The following TMC2 variants were observed in gnomAD, a reference collection of about 807,000 sequenced individuals.
TMC2 encodes the protein transmembrane channel like 2.
TMC2 carries 102 observed loss-of-function variants against 105.9 expected under a neutral mutation model. The ratio of observed to expected loss-of-function variants is 0.96; its 90% CI spans 0.82 to 1.14. The LOEUF (loss-of-function observed/expected upper bound fraction) is 1.14, where lower values mean the gene tolerates loss of function less well. TMC2 is among the 50% of genes most tolerant of loss of function. The pLI is 0.00. For synonymous variants in TMC2, 402 were observed against 422.8 expected, an observed-to-expected ratio of 0.95 and a Z score of 0.60; for missense variants, 1,093 against 1,134.3, an observed-to-expected ratio of 0.96 and a Z score of 0.52.
chr20:2,538,827 C>T (rs540989697), intron 2 of TMC2, among the ~76,000 whole-genome samples: 1 of 152,274 alleles, frequency 6.6e-6, no homozygotes, highest in Non-Finnish European at 1.5e-5. Context: ...TTAACTGAAA[C>T]CCAGCCCCAT....
At chr20:2,607,445 G>A (rs1208244273) in intron 11 of TMC2, among the ~76,000 whole-genome samples, 2 of 152,148 alleles carry the variant, frequency 1.3e-5, no homozygotes, top group South Asian at 2.1e-4. Context: ...AATTTCAAAA[G>A]TTCAAGAGGC....
intron 18 of TMC2, among the ~76,000 whole-genome samples, chr20:2,636,308 C>T (rs1232277804): frequency 6.6e-6 from 1 of 152,184 alleles, no homozygotes; most frequent in African/African-American, 2.4e-5. Context: ...ATAACTCCTA[C>T]AGGTTAAAGT....
chr20:2,589,374 C>G (rs2086253705), intron 7 of TMC2, among the ~76,000 whole-genome samples: 1 of 149,988 alleles, frequency 6.7e-6, no homozygotes, highest in African/African-American at 2.5e-5. Context: ...CTCCTGAGCT[C>G]AAGCGATCCA....
At chr20:2,599,187 G>A (rs1310589816) in intron 10 of TMC2, among the ~76,000 whole-genome samples, 6 of 150,942 alleles carry the variant, frequency 4.0e-5, no homozygotes, top group Non-Finnish European at 8.8e-5. Flanking sequence ...AGAATCTCTT[G>A]AATCCAAAAG....
intron 6 of TMC2, 24 bp downstream of exon 6, chr20:2,579,251 T>A: frequency 1.4e-6 from 2 of 1,448,976 alleles, no homozygotes; most frequent in Non-Finnish European, 1.9e-6. Context: ...TGTCACTGTT[T>A]TTTTAATTGG....
At chr20:2,607,351 C>G (rs2086401613) in intron 11 of TMC2, among the ~76,000 whole-genome samples, 1 of 152,122 alleles carries the variant, frequency 6.6e-6, no homozygotes, top group African/African-American at 2.4e-5. Flanking sequence ...TATCTATATT[C>G]CCTCTCTCTG....
intron 4 of TMC2, among the ~76,000 whole-genome samples, chr20:2,565,037 G>C (rs2086054364): frequency 6.6e-6 from 1 of 152,194 alleles, no homozygotes; most frequent in Admixed American, 6.5e-5. Context: ...CTCCTCTGCA[G>C]GGAGGTCCCC....
intron 11 of TMC2, among the ~76,000 whole-genome samples, chr20:2,602,677 T>C (rs572208509): frequency 4.6e-5 from 7 of 152,216 alleles, no homozygotes; most frequent in Non-Finnish European, 7.3e-5. Context: ...CCTGCACAAA[T>C]AACAAACTGA....
intron 2 of TMC2, among the ~76,000 whole-genome samples, chr20:2,540,075 C>T (rs1230963772): frequency 6.7e-6 from 1 of 149,494 alleles, no homozygotes; most frequent in Admixed American, 6.7e-5. Context: ...ACTGCAACCT[C>T]TGCCTCCCAA....
intron 16 of TMC2, among the ~76,000 whole-genome samples, chr20:2,619,277 A>G (rs1299137246): frequency 6.6e-6 from 1 of 152,140 alleles, no homozygotes; most frequent in African/African-American, 2.4e-5. Flanking sequence ...CAGGGCTTCT[A>G]TCTTGGGGAA....
intron 4 of TMC2, among the ~76,000 whole-genome samples, chr20:2,569,331 A>G (rs2086086784): frequency 6.6e-6 from 1 of 152,348 alleles, no homozygotes; most frequent in South Asian, 2.1e-4. Context: ...TCCAACTTTA[A>G]CAGGGTGCTC....
chr20:2,576,990 C>A (rs2086151561), intron 5 of TMC2, among the ~76,000 whole-genome samples: 1 of 150,442 alleles, frequency 6.6e-6, no homozygotes, highest in South Asian at 2.1e-4. Context: ...CTCACTGCAA[C>A]CTCCGCCTCC....
At chr20:2,607,968 C>CA (rs1366167976) in intron 11 of TMC2, among the ~76,000 whole-genome samples, 14 of 151,886 alleles carry the variant, frequency 9.2e-5, no homozygotes, top group Middle Eastern at 6.8e-3. Context: ...CTACTAAATA[C>CA]AAAAAATTAG....
chr20:2,599,803 C>T (rs2086337959), intron 10 of TMC2, among the ~76,000 whole-genome samples: 1 of 152,136 alleles, frequency 6.6e-6, no homozygotes, highest in Admixed American at 6.5e-5. Flanking sequence ...CTTTCTTTCC[C>T]CCAGGACCTA....
chr20:2,616,084 C>T lies in TMC2; in HGVS notation c.1873-53C>T, dbSNP rs1418028259. 3.9e-5 allele frequency: 59 copies of T among 1,518,494 alleles called. No individual in the cohort carries two copies. In the East Asian group the frequency reaches 1.3e-3, roughly 32 times the overall value. 94.1% of individuals were successfully genotyped at this position (1,518,494 alleles called of 1,614,324 possible). A position where few individuals can be genotyped will look rare whatever the true frequency, so the allele number is the denominator to read the frequency against. On this transcript the variant is annotated intron_variant, in intron 14 of 19. Coordinates refer to ENST00000358864, the MANE Select transcript of TMC2 (RefSeq NM_080751.3). The surrounding 1 kb of genome is among the most constrained non-coding windows in gnomAD (Gnocchi z 4.8). The stretch of plus-strand genomic sequence containing the variant: ...GGTAGTAGGGTTTGGCTGAATTCAC[C>T]AAACGTGCTTTTTTTTTTCTCTCTC...
At chr20:2,623,035 T>C (rs915226222) in intron 16 of TMC2, among the ~76,000 whole-genome samples, 1 of 152,098 alleles carries the variant, frequency 6.6e-6, no homozygotes, top group African/African-American at 2.4e-5. Flanking sequence ...GAACATCCAA[T>C]AGAACTTACT....
chr20:2,618,991 C>T (rs149422948), intron 16 of TMC2, among the ~76,000 whole-genome samples: 2 of 152,108 alleles, frequency 1.3e-5, no homozygotes, highest in African/African-American at 2.4e-5. Flanking sequence ...CATGAGCAAC[C>T]CTGAGGGCAT....
At chr20:2,600,988 A>G (rs1238691456) in intron 10 of TMC2, among the ~76,000 whole-genome samples, 2 of 9,844 alleles carry the variant, frequency 2.0e-4, no homozygotes, top group Non-Finnish European at 3.4e-4. Flanking sequence ...CTGTCTCAGA[A>G]AAAAAAAAAA....
intron 4 of TMC2, among the ~76,000 whole-genome samples, 171 bp from the exon 5 acceptor site, chr20:2,572,008 G>A (rs1046748037): frequency 6.6e-6 from 1 of 152,198 alleles, no homozygotes; most frequent in Non-Finnish European, 1.5e-5. Context: ...CAGCATTTGG[G>A]AAACTTCAGT....
Sources: gnomAD v4.1 joint callset for allele counts (sites outside exome capture counted in the v4.1 genomes callset) on GRCh38, gnomAD v4.1.1 for gene constraint, Gnocchi (gnomAD v3.1) non-coding constraint, MANE v1.5 for transcripts, NCBI Gene and HGNC (gene_info 2026-07-23, HGNC 2026-07-21) for gene names.